The following SLC6A3 variants were observed in gnomAD, a reference collection of about 807,000 sequenced individuals.
The protein encoded by SLC6A3 is sodium-dependent dopamine transporter.
SLC6A3 carries 19 observed loss-of-function variants against 70.4 expected under a neutral mutation model. The ratio of observed to expected loss-of-function variants is 0.27; its 90% CI spans 0.19 to 0.40. SLC6A3 has a LOEUF of 0.40. Among genes scored for constraint, SLC6A3 ranks in the 10% least tolerant of loss-of-function variants. SLC6A3 has a pLI of 1.00. For synonymous variants in SLC6A3, 368 were observed against 356.6 expected (o/e 1.03, Z -0.36); for missense variants, 613 against 838.5 (o/e 0.73, Z 3.32).
At position 1,402,837 on chromosome 5, in the gene SLC6A3, C is replaced by A; in HGVS notation, c.1767+85G>T. The A allele has an allele frequency of 7.4e-7, 1 of 1,353,406 alleles. No individual in the cohort carries two copies. The highest frequency in any genetic ancestry group is 1.2e-5 in the South Asian group (1 of 81,910). 83.8% of individuals were successfully genotyped at this position (1,353,406 alleles called of 1,614,324 possible). A position where few individuals can be genotyped will look rare whatever the true frequency, so the allele number is the denominator to read the frequency against. ...TCCTCTTGGTCACAGATGACCCAGG[C>A]AGGTGAGGACTGGGGCCATGGACAC... On this transcript the variant is annotated intron_variant, in intron 13 of 14. Coordinates refer to ENST00000270349, the MANE Select transcript of SLC6A3 (RefSeq NM_001044.5). This position sits in a 1 kb window ranked among gnomAD's most constrained non-coding sequence, Gnocchi z 8.5.
At chr5:1,440,526 G>A (rs761199905) in intron 3 of SLC6A3, among the ~76,000 whole-genome samples, 3 of 152,210 alleles carry the variant, frequency 2.0e-5, no homozygotes, top group Admixed American at 1.3e-4. Context: ...ATTGTGGGAT[G>A]TGTCCCTCCC....
chr5:1,397,961 G>A lies in SLC6A3; in HGVS notation c.1839+2954C>T, dbSNP rs1316792516. Among the ~76,000 whole-genome samples, 2 of 152,222 alleles carry A rather than the reference G, an allele frequency of 1.3e-5. No homozygotes were observed. Among genetic ancestry groups the A allele is most frequent in the Non-Finnish European group, 2.9e-5 (2 of 68,044 alleles). ...TTGAACAATCATAGCATGTTCATCA[G>A]TAGGAGGAAGATTTAAGTCCTTATA... On this transcript the variant is annotated intron_variant, in intron 14 of 14. Coordinates refer to ENST00000270349, the MANE Select transcript of SLC6A3 (RefSeq NM_001044.5). The surrounding 1 kb of genome is among the most constrained non-coding windows in gnomAD (Gnocchi z 4.7).
chr5:1,444,358 A>G (rs1733749824), intron 1 of SLC6A3, among the ~76,000 whole-genome samples: 1 of 151,320 alleles, frequency 6.6e-6, no homozygotes. Flanking sequence ...GCACGCACAC[A>G]CAGACACACA....
intron 6 of SLC6A3, among the ~76,000 whole-genome samples, chr5:1,419,323 TCATCCATCCATC>T (rs59372317): frequency 1.5e-4 from 21 of 142,856 alleles, no homozygotes; most frequent in South Asian, 4.8e-4. Context: ...TACCTAGCAT[TCATCCATCCATC>T]CATCCATCCA....
chr5:1,433,836 TCCATCCACAG>T (rs1391083569), intron 3 of SLC6A3, among the ~76,000 whole-genome samples: 2 of 150,666 alleles, frequency 1.3e-5, no homozygotes, highest in African/African-American at 4.9e-5. Context: ...ACCATCCACA[TCCATCCACAG>T]CCATCCATAG....
At chr5:1,432,947 C>G (rs1026352291) in intron 3 of SLC6A3, among the ~76,000 whole-genome samples, 12 of 152,096 alleles carry the variant, frequency 7.9e-5, no homozygotes, top group Admixed American at 3.9e-4. Context: ...TACACAAGGA[C>G]TTTCAGGGTG....
At position 1,442,868 on chromosome 5, in the gene SLC6A3, C is replaced by G. The variant is rs770070439; in HGVS notation, c.286+44G>C. 2 of 1,610,272 alleles carry G rather than the reference C, an allele frequency of 1.2e-6. No individual in the cohort carries two copies. The highest frequency in any genetic ancestry group is 4.5e-5 in the East Asian group (2 of 44,862). On this transcript the variant is annotated intron_variant, in intron 2 of 14. Coordinates refer to ENST00000270349, the MANE Select transcript of SLC6A3 (RefSeq NM_001044.5). The surrounding 1 kb of genome is among the most constrained non-coding windows in gnomAD (Gnocchi z 5.0). ...CCTTGGCCCCGGCTGCCCCTACGACCCCCGCCCGGCCAGCATGCTCAGGGA... is the reference window on the plus strand; with the variant it reads ...CCTTGGCCCCGGCTGCCCCTACGACGCCCGCCCGGCCAGCATGCTCAGGGA...
At chr5:1,408,000 ATT>A (rs11362775) in intron 11 of SLC6A3, among the ~76,000 whole-genome samples, 59 of 147,558 alleles carry the variant, frequency 4.0e-4, no homozygotes, top group Non-Finnish European at 6.6e-4. Context: ...GGATCCACAC[ATT>A]TTTTTTTTTC....
At chr5:1,407,476 A>G (rs1292788549) in intron 11 of SLC6A3, among the ~76,000 whole-genome samples, 1 of 152,256 alleles carries the variant, frequency 6.6e-6, no homozygotes, top group East Asian at 1.9e-4. Context: ...CATCAGCTCC[A>G]AGACCTACAG....
At chr5:1,415,426 G>GT (rs1756266330) in intron 7 of SLC6A3, among the ~76,000 whole-genome samples, 1 of 152,130 alleles carries the variant, frequency 6.6e-6, no homozygotes, top group East Asian at 1.9e-4. Context: ...GACGCAGGTG[G>GT]GCTGCGGGCA....
At chr5:1,443,875 T>C (rs1316830) in intron 1 of SLC6A3, among the ~76,000 whole-genome samples, 95,300 of 151,812 alleles carry the variant, frequency 0.63, 32,495 homozygotes, top group Middle Eastern at 0.81. Flanking sequence ...TTGTTGTTTT[T>C]TTGTAGAGAC....
rs760385170 is a variant in SLC6A3 at position 1,408,203 on chromosome 5, ATTTTTTT to A, written c.1498+816_1498+822del. 7.6e-6 allele frequency among the ~76,000 whole-genome samples: 1 copy of A among 131,544 alleles called. No individual in the cohort carries two copies. Among genetic ancestry groups the A allele is most frequent in the Admixed American group, 7.7e-5 (1 of 12,934 alleles). The allele number at this position is 131,544 out of a possible 152,430, so 86.3% of individuals were successfully genotyped here. A position where few individuals can be genotyped will look rare whatever the true frequency, so the allele number is the denominator to read the frequency against. ...AGCCTTGTGCCACCACACCCGGCTA[ATTTTTTT>A]TTTTTTTTTTTTTAGTAAAGATGGG... On this transcript the variant is annotated intron_variant, in intron 11 of 14. Coordinates refer to ENST00000270349, the MANE Select transcript of SLC6A3 (RefSeq NM_001044.5). The surrounding 1 kb of genome is among the most constrained non-coding windows in gnomAD (Gnocchi z 6.4).
At position 1,406,397 on chromosome 5, in the gene SLC6A3, A is replaced by G. The variant is rs567263449; in HGVS notation, c.1499-109T>C. 12 of 952,460 alleles carry G rather than the reference A, an allele frequency of 1.3e-5. No homozygotes were observed. In the East Asian group the frequency reaches 2.4e-4, roughly 19 times the overall value. 59.0% of individuals were successfully genotyped at this position (952,460 alleles called of 1,614,324 possible). ...CCCAAGGGCCCCACCTACCGGCCCCAGGCTTCGGCTGCACCCAGCCTCCTG... is the reference window on the plus strand; with the variant it reads ...CCCAAGGGCCCCACCTACCGGCCCCGGGCTTCGGCTGCACCCAGCCTCCTG... On this transcript the variant is annotated intron_variant, in intron 11 of 14. Coordinates refer to ENST00000270349, the MANE Select transcript of SLC6A3 (RefSeq NM_001044.5). This position sits in a 1 kb window ranked among gnomAD's most constrained non-coding sequence, Gnocchi z 8.8.
chr5:1,409,814 G>A lies in SLC6A3; in HGVS notation c.1305C>T (p.Ile435=), dbSNP rs760545154. The A allele has an allele frequency of 1.2e-5, 20 of 1,613,390 alleles. No individual in the cohort carries two copies. The highest frequency in any genetic ancestry group is 2.2e-5 in the East Asian group (1 of 44,886). ...GTCTGTGCAGCAGCTGGAACTCATC[G>A]ATGAGCCCGGTGATCACTGACTCCA... ...GGMESVITGL[I]DEFQLLHRHR... The change falls in exon 10 of 15, where the codon ATC becomes ATT. Residue 435 remains isoleucine (I), a synonymous_variant. Transcript: ENST00000270349.
At chr5:1,431,134 G>A (rs1197635059) in intron 4 of SLC6A3, among the ~76,000 whole-genome samples, 3 of 152,250 alleles carry the variant, frequency 2.0e-5, no homozygotes, top group African/African-American at 2.4e-5. Context: ...GACCCGGCAC[G>A]AGGCCCCAGG....
At chr5:1,441,132 C>A (rs1461789104) in intron 3 of SLC6A3, among the ~76,000 whole-genome samples, 1 of 152,244 alleles carries the variant, frequency 6.6e-6, no homozygotes, top group African/African-American at 2.4e-5. Flanking sequence ...CAAAGTAACA[C>A]CACAAATGAA....
rs771422681 is a variant in SLC6A3, at chr5:1,396,063, C to T, written c.1840-1305G>A. On this transcript the variant is annotated intron_variant, in intron 14 of 14. Coordinates refer to ENST00000270349, the MANE Select transcript of SLC6A3 (RefSeq NM_001044.5). The surrounding 1 kb of genome is among the most constrained non-coding windows in gnomAD (Gnocchi z 7.0). ...GGGACTCTCAGAAAAGTGACACACG[C>T]ACATCACAGTGATGAGAATTTCACA... Among the ~76,000 whole-genome samples the T allele has an allele frequency of 3.9e-5, 6 of 152,186 alleles. No individual in the cohort carries two copies. The highest frequency in any genetic ancestry group is 8.8e-5 in the Non-Finnish European group (6 of 68,040).
At chr5:1,395,643 G>A (rs1185673638) in intron 14 of SLC6A3, among the ~76,000 whole-genome samples, 3 of 152,220 alleles carry the variant, frequency 2.0e-5, no homozygotes, top group African/African-American at 7.2e-5. Flanking sequence ...GCAGCTCGGG[G>A]CTCAGTGAAG....
At chr5:1,444,183 T>C (rs1003629879) in intron 1 of SLC6A3, among the ~76,000 whole-genome samples, 4 of 152,136 alleles carry the variant, frequency 2.6e-5, no homozygotes, top group African/African-American at 7.2e-5. Flanking sequence ...CAGGGCTTCA[T>C]CGCGGGAACT....
Sources: allele counts gnomAD v4.1 joint callset (sites outside exome capture counted in the v4.1 genomes callset), GRCh38; gene constraint gnomAD v4.1.1; non-coding constraint Gnocchi (gnomAD v3.1); transcripts MANE v1.5; gene names NCBI Gene and HGNC (gene_info 2026-07-23, HGNC 2026-07-21).